The following LPAR1 variants were observed in gnomAD, a reference collection of about 807,000 sequenced individuals.
LPAR1 encodes the protein LPA receptor 1.
Under a neutral mutation model 23.8 loss-of-function variants are expected in LPAR1, and 5 were observed. The observed-to-expected ratio is 0.21, with a 90% CI of 0.11 to 0.44. The LOEUF (loss-of-function observed/expected upper bound fraction) is 0.44. LPAR1 is among the 20% of genes least tolerant of loss of function. The pLI is 0.99. For missense variants in LPAR1, 311 were observed against 482.8 expected, an observed-to-expected ratio of 0.64 and a Z score of 3.33; for synonymous variants, 160 against 164.7, an observed-to-expected ratio of 0.97 and a Z score of 0.22.
At chr9:110,934,660 A>T (rs2094581262) in intron 5 of LPAR1, among the ~76,000 whole-genome samples, 3 of 152,220 alleles carry the variant, frequency 2.0e-5, no homozygotes, top group Admixed American at 2.0e-4. Context: ...TACAGAATAA[A>T]TAGAATCCTA....
chr9:110,954,047 A>C (rs1415452347), intron 4 of LPAR1, among the ~76,000 whole-genome samples: 1 of 152,146 alleles, frequency 6.6e-6, no homozygotes, highest in Non-Finnish European at 1.5e-5. Flanking sequence ...TTCAGATTAA[A>C]CAATAAAAAG....
chr9:111,013,714 A>T (rs2097379473), intron 2 of LPAR1, among the ~76,000 whole-genome samples: 1 of 152,224 alleles, frequency 6.6e-6, no homozygotes, highest in Admixed American at 6.5e-5. Context: ...GGGAGCCGTG[A>T]CACAAAACAA....
intron 5 of LPAR1, among the ~76,000 whole-genome samples, chr9:110,888,559 C>T (rs1166435516): frequency 3.3e-5 from 4 of 120,322 alleles, no homozygotes; most frequent in Non-Finnish European, 3.3e-5. Flanking sequence ...AGCAATGAAC[C>T]CAGCAGAAAA....
intron 5 of LPAR1, among the ~76,000 whole-genome samples, chr9:110,898,866 C>T (rs1441974825): frequency 6.6e-6 from 1 of 152,180 alleles, no homozygotes; most frequent in Non-Finnish European, 1.5e-5. Flanking sequence ...TGTGTGTCAC[C>T]TTAACTCCAA....
At chr9:110,955,731 C>T (rs1319658724) in intron 4 of LPAR1, among the ~76,000 whole-genome samples, 1 of 139,900 alleles carries the variant, frequency 7.1e-6, no homozygotes, top group African/African-American at 2.7e-5. Flanking sequence ...AAAAAAAACA[C>T]AAATCAATTA....
intron 2 of LPAR1, among the ~76,000 whole-genome samples, chr9:111,004,176 G>A (rs977393809): frequency 1.1e-4 from 17 of 152,164 alleles, no homozygotes; most frequent in Non-Finnish European, 1.6e-4. Context: ...GGCTAACAAT[G>A]ACTTTGCAAG....
At chr9:110,892,936 C>T (rs1421825703) in intron 5 of LPAR1, among the ~76,000 whole-genome samples, 1 of 151,974 alleles carries the variant, frequency 6.6e-6, no homozygotes, top group Non-Finnish European at 1.5e-5. Context: ...CTGGGGAAAC[C>T]CATGATTGTC....
At chr9:111,034,855 T>A (rs79692428) in intron 2 of LPAR1, among the ~76,000 whole-genome samples, 4,375 of 152,292 alleles carry the variant, frequency 0.029, 76 homozygotes, top group South Asian at 0.071. Flanking sequence ...CCTTCGTAAC[T>A]TTCCAGCCTT....
intron 2 of LPAR1, among the ~76,000 whole-genome samples, chr9:110,976,656 C>T (rs1159472904): frequency 6.6e-6 from 1 of 152,178 alleles, no homozygotes; most frequent in Non-Finnish European, 1.5e-5. Flanking sequence ...GCCCAGCTGA[C>T]ATCAGGCTCT....
At chr9:110,894,380 G>A (rs148134612) in intron 5 of LPAR1, among the ~76,000 whole-genome samples, 6 of 152,292 alleles carry the variant, frequency 3.9e-5, no homozygotes, top group Middle Eastern at 3.4e-3. Flanking sequence ...GTCAAATGAG[G>A]ATATGATCTA....
At chr9:110,912,386 T>A (rs1268134650) in intron 5 of LPAR1, among the ~76,000 whole-genome samples, 1 of 152,170 alleles carries the variant, frequency 6.6e-6, no homozygotes, top group South Asian at 2.1e-4. Context: ...GACCCAGAGA[T>A]AGAATACAAA....
chr9:110,923,591 A>G (rs1002311895), intron 5 of LPAR1, among the ~76,000 whole-genome samples: 6 of 152,354 alleles, frequency 3.9e-5, no homozygotes, highest in Non-Finnish European at 5.9e-5. Context: ...TCAACTTACA[A>G]TATTTTCAAT....
At chr9:110,875,835 G>C (rs1367511066) in intron 5 of LPAR1, 113 bp from the exon 6 acceptor site, 3 of 534,844 alleles carry the variant, frequency 5.6e-6, no homozygotes, top group African/African-American at 1.9e-5. Flanking sequence ...AAATACTGAA[G>C]TTGGAAGCCA....
chr9:110,904,605 G>A (rs2090576032), intron 5 of LPAR1, among the ~76,000 whole-genome samples: 1 of 152,184 alleles, frequency 6.6e-6, no homozygotes, highest in South Asian at 2.1e-4. Flanking sequence ...TCATGGCAAA[G>A]TCCTAGACTA....
intron 5 of LPAR1, among the ~76,000 whole-genome samples, chr9:110,898,474 A>G (rs1199504436): frequency 6.6e-6 from 1 of 152,220 alleles, no homozygotes; most frequent in Non-Finnish European, 1.5e-5. Context: ...TCCAGACAGA[A>G]ATAGTCTACA....
chr9:110,981,896 C>G (rs10817127), intron 2 of LPAR1, among the ~76,000 whole-genome samples: 112,396 of 152,142 alleles, frequency 0.74, 42,631 homozygotes, highest in African/African-American at 0.9. Flanking sequence ...CTGCTCGTTA[C>G]AGAAATGCAA....
At chr9:110,898,599 G>T (rs146247341) in intron 5 of LPAR1, among the ~76,000 whole-genome samples, 1 of 152,166 alleles carries the variant, frequency 6.6e-6, no homozygotes, top group Non-Finnish European at 1.5e-5. Context: ...ACACGTTCAC[G>T]AGATGAAGAC....
chr9:110,962,441 T>C (rs999260180), intron 4 of LPAR1, among the ~76,000 whole-genome samples: 3 of 152,154 alleles, frequency 2.0e-5, no homozygotes, highest in African/African-American at 4.8e-5. Flanking sequence ...AAAACCTTCC[T>C]ATGCTTGGTG....
intron 2 of LPAR1, among the ~76,000 whole-genome samples, chr9:111,026,033 A>C (rs1041913988): frequency 2.0e-5 from 3 of 152,110 alleles, no homozygotes; most frequent in African/African-American, 7.2e-5. Context: ...TTCCATATGA[A>C]ATTTGAAGTA....
Sources: allele counts gnomAD v4.1 joint callset (sites outside exome capture counted in the v4.1 genomes callset), GRCh38; gene constraint gnomAD v4.1.1; transcripts MANE v1.5; gene names NCBI Gene and HGNC (gene_info 2026-07-23, HGNC 2026-07-21).